Variants in CSNK1G1 observed in about 807,000 individuals in gnomAD.
CSNK1G1 encodes casein kinase I isoform gamma-1.
CSNK1G1 carries 22 observed loss-of-function variants against 59.6 expected under a neutral mutation model. That is an observed-to-expected ratio of 0.37 (90% CI 0.26 to 0.53). The LOEUF (loss-of-function observed/expected upper bound fraction) is 0.53, where lower values mean the gene tolerates loss of function less well. CSNK1G1 is among the 20% of genes least tolerant of loss of function. The probability of loss-of-function intolerance (pLI) is 0.89; values close to 1 mark genes in which losing one functional copy is unlikely to be tolerated. For synonymous variants in CSNK1G1, 179 were observed against 177.1 expected (o/e 1.01, Z -0.08); for missense variants, 384 against 519.5 (o/e 0.74, Z 2.54).
rs1011422652 is a variant in CSNK1G1 at position 64,168,806 on chromosome 15, A to G, written c.*3125T>C. On this transcript the variant is annotated 3_prime_UTR_variant, in exon 12 of 12. Transcript: ENST00000303052. Reference sequence around the variant, plus strand: ...CTGATGGGCCTGAAACAAATGGCCAATTGCATCTAGGGTACTCAGGTTTTT... The same window carrying G: ...CTGATGGGCCTGAAACAAATGGCCAGTTGCATCTAGGGTACTCAGGTTTTT... The G allele has an allele frequency of 1.3e-5, 2 of 152,194 alleles. No homozygotes were observed. The highest frequency in any genetic ancestry group is 2.9e-5 in the Non-Finnish European group (2 of 68,042). The allele number at this position is 152,194 out of a possible 1,614,324, so 9.4% of individuals were successfully genotyped here. A position where few individuals can be genotyped will look rare whatever the true frequency, so the allele number is the denominator to read the frequency against.
intron 1 of CSNK1G1, among the ~76,000 whole-genome samples, chr15:64,310,567 AT>A (rs1301488751): frequency 7.6e-6 from 1 of 132,240 alleles, no homozygotes; most frequent in South Asian, 2.4e-4. Flanking sequence ...AAAAAAAAAA[AT>A]TAGCTGGGCA....
chr15:64,283,262 A>G (rs1283257862), intron 2 of CSNK1G1, among the ~76,000 whole-genome samples: 1 of 152,078 alleles, frequency 6.6e-6, no homozygotes. Flanking sequence ...AGTCTTCTAT[A>G]TATTCTGAAT....
In CSNK1G1 at chr15:64,171,664, A is replaced by G. The variant is rs2081666608; in HGVS notation, c.*267T>C. 1.9e-6 allele frequency: 1 copy of G among 534,224 alleles called. No homozygotes were observed. The highest frequency in any genetic ancestry group is 3.2e-5 in the Admixed American group (1 of 31,284). 33.1% of individuals were successfully genotyped at this position (534,224 alleles called of 1,614,324 possible). A position where few individuals can be genotyped will look rare whatever the true frequency, so the allele number is the denominator to read the frequency against. ...ACCTTCACTGTAAACAATGGGAAGG[A>G]GAGTCAACCAGGCAGCCCTATGGGC... On this transcript the variant is annotated 3_prime_UTR_variant, in exon 12 of 12. Coordinates refer to ENST00000303052, the MANE Select transcript of CSNK1G1 (RefSeq NM_022048.5). The surrounding 1 kb of genome is among the most constrained non-coding windows in gnomAD (Gnocchi z 4.8).
At chr15:64,336,246 C>T (rs1354331043) in intron 1 of CSNK1G1, among the ~76,000 whole-genome samples, 1 of 62,566 alleles carries the variant, frequency 1.6e-5, no homozygotes, top group Non-Finnish European at 4.6e-5. Context: ...TCTTGATTAA[C>T]TAGATTCGAT....
chr15:64,202,997 T>G, intron 10 of CSNK1G1, 85 bp downstream of exon 10: 1 of 974,518 alleles, frequency 1.0e-6, no homozygotes, highest in South Asian at 1.4e-5. Context: ...GTACATACAC[T>G]AAAGCGGAGA....
intron 4 of CSNK1G1, among the ~76,000 whole-genome samples, chr15:64,234,210 CT>C (rs2082585691): frequency 6.6e-6 from 1 of 152,132 alleles, no homozygotes; most frequent in Non-Finnish European, 1.5e-5. Context: ...AAACACCCCC[CT>C]CACCCTTTAC....
intron 1 of CSNK1G1, among the ~76,000 whole-genome samples, chr15:64,352,447 C>CTTCTTTTTTTTTTT (rs1566958699): frequency 1.1e-5 from 1 of 89,410 alleles, no homozygotes; most frequent in East Asian, 3.5e-4. Context: ...TTGAATTCTT[C>CTTCTTTTTTTTTTT]TTTTTTTTTT....
chr15:64,248,214 T>C lies in CSNK1G1; in HGVS notation c.292+3298A>G, dbSNP rs79785640. Among the ~76,000 whole-genome samples the C allele has an allele frequency of 6.9e-3, 1,048 of 152,078 alleles. 17 individuals are homozygous for C. The highest frequency in any genetic ancestry group is 0.024 in the African/African-American group (1,000 of 41,438). On this transcript the variant is annotated intron_variant, in intron 4 of 11. Coordinates refer to ENST00000303052, the MANE Select transcript of CSNK1G1 (RefSeq NM_022048.5). ...CAGCTGAGAACTTACTCTGAAAAAATAGGGGGAGGAATGCTGTGCCTCTAA... is the reference window on the plus strand; with the variant it reads ...CAGCTGAGAACTTACTCTGAAAAAACAGGGGGAGGAATGCTGTGCCTCTAA...
rs1026370212 is a variant in CSNK1G1 at position 64,215,828 on chromosome 15, A to C, written c.444+734T>G. 1.3e-5 allele frequency among the ~76,000 whole-genome samples: 2 copies of C among 152,224 alleles called. 1 individual carries two copies. Among genetic ancestry groups the C allele is most frequent in the African/African-American group, 4.8e-5 (2 of 41,452 alleles). ...AGAACTACAGCAAATTCCTAGTCAC[A>C]CAATTTTGAATCTGAGTGTTAGTGC... is the stretch of plus-strand genomic sequence containing the variant. On this transcript the variant is annotated intron_variant, in intron 5 of 11. Coordinates refer to ENST00000303052, the MANE Select transcript of CSNK1G1 (RefSeq NM_022048.5).
chr15:64,349,791 T>A (rs1017351021), intron 1 of CSNK1G1, among the ~76,000 whole-genome samples: 1 of 151,944 alleles, frequency 6.6e-6, no homozygotes, highest in African/African-American at 2.4e-5. Context: ...AGATCCAAAA[T>A]GAACCTAGCA....
intron 10 of CSNK1G1, among the ~76,000 whole-genome samples, chr15:64,189,184 A>G (rs1217422704): frequency 6.6e-6 from 1 of 152,318 alleles, no homozygotes; most frequent in East Asian, 1.9e-4. Context: ...TGGTTCTTCT[A>G]GCTAACAGCG....
At position 64,214,284 on chromosome 15, in the gene CSNK1G1, A is replaced by G; in HGVS notation, c.445-160T>C. On this transcript the variant is annotated intron_variant, in intron 5 of 11. Transcript: ENST00000303052. This position sits in a 1 kb window ranked among gnomAD's most constrained non-coding sequence, Gnocchi z 4.3. ...TCACTTCACTGACTTGTAAACAAAA[A>G]AATATTTTGCTATAAATACGTACAC... is the stretch of plus-strand genomic sequence containing the variant. The G allele has an allele frequency of 1.6e-6, 1 of 618,220 alleles. No individual in the cohort carries two copies. The allele number at this position is 618,220 out of a possible 1,614,324, so 38.3% of individuals were successfully genotyped here. A position where few individuals can be genotyped will look rare whatever the true frequency, so the allele number is the denominator to read the frequency against.
chr15:64,257,356 C>G (rs1398274342), intron 3 of CSNK1G1, among the ~76,000 whole-genome samples: 2 of 151,964 alleles, frequency 1.3e-5, no homozygotes, highest in East Asian at 3.8e-4. Context: ...AGTAATGTAG[C>G]AAATTTTTAA....
intron 1 of CSNK1G1, among the ~76,000 whole-genome samples, chr15:64,352,294 A>G (rs1898339224): frequency 6.6e-6 from 1 of 152,082 alleles, no homozygotes; most frequent in Non-Finnish European, 1.5e-5. Flanking sequence ...TGACAGAGCA[A>G]GACTCCATCT....
rs2140204489 is a variant in CSNK1G1 at position 64,176,950 on chromosome 15, GTTAAAT to G, written c.1214+3392_1214+3397del. 6.6e-6 allele frequency among the ~76,000 whole-genome samples: 1 copy of G among 152,272 alleles called. No individual in the cohort carries two copies. Among genetic ancestry groups the G allele is most frequent in the South Asian group, 2.1e-4 (1 of 4,822 alleles). On this transcript the variant is annotated intron_variant, in intron 11 of 11. Transcript: ENST00000303052. This position sits in a 1 kb window ranked among gnomAD's most constrained non-coding sequence, Gnocchi z 5.2. ...CTCAGGAGAAATGAGGTTCACATTT[GTTAAAT>G]TATAGCTAAAGTCTGGATAACCAAA...
intron 10 of CSNK1G1, chr15:64,189,259 G>T (rs1567362830): frequency 1.2e-6 from 1 of 810,690 alleles, no homozygotes; most frequent in Non-Finnish European, 1.5e-6. Flanking sequence ...CTTCTGGAAA[G>T]CAAAAGGAGG....
intron 10 of CSNK1G1, among the ~76,000 whole-genome samples, chr15:64,191,125 G>C (rs949296819): frequency 6.6e-6 from 1 of 152,050 alleles, no homozygotes; most frequent in Non-Finnish European, 1.5e-5. Context: ...GCAGTGGCAC[G>C]ATCTCGGCTC....
intron 2 of CSNK1G1, among the ~76,000 whole-genome samples, chr15:64,272,662 T>A (rs1596196327): frequency 6.6e-6 from 1 of 152,324 alleles, no homozygotes; most frequent in East Asian, 1.9e-4. Context: ...TTCACTAGTT[T>A]GTATATTTAA....
chr15:64,185,127 G>A (rs1410235948), intron 10 of CSNK1G1, among the ~76,000 whole-genome samples: 1 of 152,190 alleles, frequency 6.6e-6, no homozygotes, highest in Non-Finnish European at 1.5e-5. Flanking sequence ...AATACTGGAA[G>A]GATGAGAACC....
Sources: gnomAD v4.1 joint callset for allele counts (sites outside exome capture counted in the v4.1 genomes callset) on GRCh38, gnomAD v4.1.1 for gene constraint, Gnocchi (gnomAD v3.1) non-coding constraint, MANE v1.5 for transcripts, NCBI Gene and HGNC (gene_info 2026-07-23, HGNC 2026-07-21) for gene names.